Variants in SCG3 observed in about 807,000 individuals in gnomAD.
The protein encoded by SCG3 is secretogranin-3.
In SCG3, 38 loss-of-function variants were observed where a neutral mutation model predicts 56.2. The ratio of observed to expected loss-of-function variants is 0.68; its 90% CI spans 0.52 to 0.89. The LOEUF is 0.89. Ranked by LOEUF, SCG3 falls within the 40% of genes least tolerant of loss-of-function variation. The probability of loss-of-function intolerance (pLI) is 0.00; values close to 1 mark genes in which losing one functional copy is unlikely to be tolerated. For missense variants in SCG3, 524 were observed against 540.7 expected, an observed-to-expected ratio of 0.97 and a Z score of 0.31; for synonymous variants, 176 against 184.2, an observed-to-expected ratio of 0.96 and a Z score of 0.36.
chr15:51,703,345 T>G (rs1413100446), intron 10 of SCG3, among the ~76,000 whole-genome samples: 1 of 152,198 alleles, frequency 6.6e-6, no homozygotes, highest in African/African-American at 2.4e-5. Flanking sequence ...TAGCTACGTA[T>G]TTAATACCTT....
intron 10 of SCG3, chr15:51,708,230 G>C (rs1595838852): frequency 2.0e-5 from 3 of 152,160 alleles, no homozygotes. Context: ...CTCTCATAAG[G>C]CTTTCAGTGC....
At chr15:51,703,017 G>A (rs1050883495) in intron 10 of SCG3, among the ~76,000 whole-genome samples, 1 of 152,098 alleles carries the variant, frequency 6.6e-6, no homozygotes, top group Middle Eastern at 3.2e-3. Context: ...GCTCTCTTGG[G>A]TGGGGGGTGG....
chr15:51,683,081 T>C lies in SCG3; in HGVS notation c.138T>C (p.Ile46=), dbSNP rs759188322. ...TCTATCTCCTGTTTGCTTCACAGAT[T>C]GCTGAAGCAGAAGAAGACAAGATTA... The part of the protein sequence containing the change: ...LSAERPLNEQ[I]AEAEEDKIKK... Residue 46 remains isoleucine, a splice_region_variant and synonymous_variant, in exon 3 of 12, where the codon ATT becomes ATC. Coordinates refer to ENST00000220478, the MANE Select transcript of SCG3 (RefSeq NM_013243.4). 1.2e-6 allele frequency: 2 copies of C among 1,608,890 alleles called. No individual in the cohort carries two copies. The highest frequency in any genetic ancestry group is 2.2e-5 in the South Asian group (2 of 90,590).
intron 5 of SCG3, 87 bp downstream of exon 5, chr15:51,688,489 G>A: frequency 8.0e-7 from 1 of 1,257,592 alleles, no homozygotes; most frequent in Non-Finnish European, 1.1e-6. Context: ...AAGTAGCCAA[G>A]TGTTTATAAT....
intron 10 of SCG3, among the ~76,000 whole-genome samples, chr15:51,704,244 C>CATACATATATAT (rs751546589): frequency 0.027 from 1,946 of 73,392 alleles, 30 homozygotes; most frequent in East Asian, 0.052. Flanking sequence ...TACATACATA[C>CATACATATATAT]ATATATATAT....
rs750331295 is a variant in SCG3, at chr15:51,713,372, T to C, written c.1247T>C (p.Ile416Thr). 4.4e-6 allele frequency: 7 copies of C among 1,606,968 alleles called. No individual in the cohort carries two copies. In the East Asian group the frequency reaches 6.7e-5, roughly 15 times the overall value. ...TATTTGGAAGCCATCAGAAAAAATA[T>C]TGAATGGTTGAAGAAACATGACAAA... ...EAYLEAIRKN[I>T]EWLKKHDKKG... Residue 416 changes from isoleucine to threonine, a missense_variant, in exon 11 of 12, where the codon ATT becomes ACT. Physicochemically the swap from Ile to Thr is moderately conservative, Grantham distance 89. Transcript: ENST00000220478.
At chr15:51,704,261 A>G (rs2055358520) in intron 10 of SCG3, among the ~76,000 whole-genome samples, 1 of 135,556 alleles carries the variant, frequency 7.4e-6, no homozygotes, top group African/African-American at 3.0e-5. Context: ...ATATATATAT[A>G]TATATATATA....
intron 10 of SCG3, 75 bp downstream of exon 10, chr15:51,701,319 C>T (rs979386688): frequency 2.5e-5 from 36 of 1,428,164 alleles, no homozygotes; most frequent in Admixed American, 4.7e-5. Flanking sequence ...GGAGGGTGAT[C>T]CAAAGAGCAA....
At chr15:51,713,286 T>C (rs748399146) in intron 10 of SCG3, 47 bp from the exon 11 acceptor site, 5 of 1,213,958 alleles carry the variant, frequency 4.1e-6, no homozygotes, top group Admixed American at 2.0e-5. Context: ...AAATGAGATG[T>C]AGTGATATTT....
chr15:51,699,707 T>C (rs974369997), intron 9 of SCG3, among the ~76,000 whole-genome samples: 1 of 152,110 alleles, frequency 6.6e-6, no homozygotes, highest in East Asian at 1.9e-4. Flanking sequence ...CATCCTAAAA[T>C]TCTCCTTTAG....
chr15:51,681,636 C>A lies in SCG3; in HGVS notation c.-120C>A. On this transcript the variant is annotated 5_prime_UTR_variant, in exon 1 of 12. Transcript: ENST00000220478. Reference sequence around the variant, plus strand: ...CTGCAGCCGCCCAGTCCCGGCCCCTCTCCCGCCCCACACCCACCCTCCTGG... The same window carrying A: ...CTGCAGCCGCCCAGTCCCGGCCCCTATCCCGCCCCACACCCACCCTCCTGG... 1.6e-6 allele frequency: 1 copy of A among 636,678 alleles called. No homozygotes were observed. Among genetic ancestry groups the A allele is most frequent in the Non-Finnish European group, 2.9e-6 (1 of 342,916 alleles). 39.4% of individuals were successfully genotyped at this position (636,678 alleles called of 1,614,324 possible).
At chr15:51,707,834 T>C (rs537037302) in intron 10 of SCG3, among the ~76,000 whole-genome samples, 5 of 152,346 alleles carry the variant, frequency 3.3e-5, no homozygotes, top group African/African-American at 1.2e-4. Context: ...AGTTCAAAAG[T>C]GCAATCATGT....
chr15:51,718,475 C>T (rs1398008121), intron 11 of SCG3, among the ~76,000 whole-genome samples: 1 of 152,156 alleles, frequency 6.6e-6, no homozygotes, highest in East Asian at 1.9e-4. Context: ...ACCCAAGTGA[C>T]CCAGGCTCAG....
intron 7 of SCG3, chr15:51,693,807 G>C (rs1036201657): frequency 6.6e-6 from 1 of 152,210 alleles, no homozygotes; most frequent in Non-Finnish European, 1.5e-5. Context: ...TGTACATCTT[G>C]AGGGTCCATT....
chr15:51,717,414 T>C (rs1435075498), intron 11 of SCG3, among the ~76,000 whole-genome samples: 3 of 149,964 alleles, frequency 2.0e-5, no homozygotes, highest in Admixed American at 2.0e-4. Flanking sequence ...GCGCTTGTAG[T>C]CCCAAGTTAC....
chr15:51,710,576 T>C (rs2055414138), intron 10 of SCG3, among the ~76,000 whole-genome samples: 2 of 152,314 alleles, frequency 1.3e-5, no homozygotes, highest in South Asian at 4.1e-4. Context: ...AATACAATAA[T>C]GCTGAGACCT....
chr15:51,709,542 T>A (rs1567222182), intron 10 of SCG3, among the ~76,000 whole-genome samples: 1 of 150,660 alleles, frequency 6.6e-6, no homozygotes, highest in Non-Finnish European at 1.5e-5. Flanking sequence ...TGTTTTAAAT[T>A]GTTTCTGAAA....
chr15:51,712,827 C>T (rs2055429201), intron 10 of SCG3, among the ~76,000 whole-genome samples: 1 of 152,100 alleles, frequency 6.6e-6, no homozygotes, highest in African/African-American at 2.4e-5. Flanking sequence ...AGTTTTTGCC[C>T]GCCCCCTGCC....
intron 8 of SCG3, among the ~76,000 whole-genome samples, chr15:51,696,961 C>A (rs2055307793): frequency 6.6e-6 from 1 of 152,166 alleles, no homozygotes; most frequent in East Asian, 1.9e-4. Context: ...TCTGGATGAA[C>A]CTCATTTTTT....
Sources: allele counts gnomAD v4.1 joint callset (sites outside exome capture counted in the v4.1 genomes callset), GRCh38; gene constraint gnomAD v4.1.1; transcripts MANE v1.5; gene names NCBI Gene and HGNC (gene_info 2026-07-23, HGNC 2026-07-21).